Variants in BST1 observed in about 807,000 individuals in gnomAD.
BST1 encodes bone marrow stromal cell antigen 1, also known as ADP-ribosyl cyclase/cyclic ADP-ribose hydrolase 2.
In BST1, 49 loss-of-function variants were observed where a neutral mutation model predicts 40.6. The observed-to-expected ratio is 1.21, with a 90% confidence interval of 0.96 to 1.53. The LOEUF (loss-of-function observed/expected upper bound fraction) is 1.53. BST1 is among the 40% of genes most tolerant of loss of function. BST1 has a pLI of 0.00. For missense variants in BST1, 423 were observed against 395.9 expected (o/e 1.07, Z -0.58); for synonymous variants, 157 against 159.3 (o/e 0.99, Z 0.11).
At chr4:15,758,375 T>C in the BST1 span, among the ~76,000 whole-genome samples, 2 of 152,300 alleles carry the variant, frequency 1.3e-5, no homozygotes, top group East Asian at 3.9e-4. Context: ...TAGCTTTCAC[T>C]TAAACGTGAG....
At chr4:15,739,799 A>T (rs931987281), downstream of BST1, among the ~76,000 whole-genome samples, 1 of 152,174 alleles carries the variant, frequency 6.6e-6, no homozygotes, top group South Asian at 2.1e-4. Flanking sequence ...GTACAGAAAT[A>T]TAATCAGAGT....
downstream of BST1, among the ~76,000 whole-genome samples, chr4:15,734,663 G>A (rs1721495111): frequency 6.6e-6 from 1 of 151,124 alleles, no homozygotes; most frequent in Admixed American, 6.6e-5. Flanking sequence ...GTGTGGATGT[G>A]GTGGTCTGGT....
chr4:15,743,267 A>G (rs200798077), downstream of BST1: 5 of 243,306 alleles, frequency 2.1e-5, no homozygotes, highest in East Asian at 7.0e-4. Context: ...TTGACACTCA[A>G]CAGAAGGTGA....
intron 3 of BST1, among the ~76,000 whole-genome samples, chr4:15,710,826 G>A (rs1228641763): frequency 6.6e-6 from 1 of 151,502 alleles, no homozygotes; most frequent in Non-Finnish European, 1.5e-5. Flanking sequence ...GTCTCTGTGT[G>A]TCACCCAGGC....
intron 7 of BST1, among the ~76,000 whole-genome samples, chr4:15,721,150 A>G (rs1441370595): frequency 6.6e-6 from 1 of 152,172 alleles, no homozygotes; most frequent in Non-Finnish European, 1.5e-5. Context: ...GAGAGGATAT[A>G]ATGAAAGGTA....
chr4:15,715,302 TG>T lies in BST1; in HGVS notation c.556del (p.Val186Ter). On this transcript the variant is annotated frameshift_variant, in exon 5 of 9. Coordinates refer to ENST00000265016, the MANE Select transcript of BST1 (RefSeq NM_004334.3). LOFTEE classifies it high-confidence loss of function. ...TCTCGTAGTATTCCAAGGATAGTTC[TG>T]GGGTGATCCACGTCATGCTGAATGG... The part of the protein sequence containing the change: ...ASIQYSKDSS[G>X]VIHVMLNGSE... The T allele has an allele frequency of 6.2e-7, 1 of 1,614,166 alleles. No individual in the cohort carries two copies. The highest frequency in any genetic ancestry group is 8.5e-7 in the Non-Finnish European group (1 of 1,179,994).
In BST1 at chr4:15,705,607, T is replaced by C. The variant is rs1719839728; in HGVS notation, c.281T>C (p.Ile94Thr). 2 of 1,613,986 alleles carry C rather than the reference T, an allele frequency of 1.2e-6. No homozygotes were observed. The highest frequency in any genetic ancestry group is 1.7e-6 in the Non-Finnish European group (2 of 1,179,980). Residue 94 changes from isoleucine (I) to threonine (T), a missense_variant, in exon 2 of 9, where the codon ATT (isoleucine) becomes ACT (threonine). Coordinates refer to ENST00000265016, the MANE Select transcript of BST1 (RefSeq NM_004334.3). Reference protein sequence around the residue: ...SVLPSDYDLFINLSRHSIPRD... With the variant: ...SVLPSDYDLFTNLSRHSIPRD... Reference sequence around the variant, plus strand: ...CTGCCCTCAGACTATGACCTTTTTATTAACTTGTCCAGGCACTCTATTCCC... The same window carrying C: ...CTGCCCTCAGACTATGACCTTTTTACTAACTTGTCCAGGCACTCTATTCCC...
the BST1 span, among the ~76,000 whole-genome samples, chr4:15,749,881 T>C: frequency 1.6e-4 from 25 of 152,210 alleles, no homozygotes; most frequent in East Asian, 2.5e-3. Context: ...ATTGTTATTA[T>C]TGACTATAGT....
At chr4:15,716,705 A>T (rs1018149884) in intron 6 of BST1, among the ~76,000 whole-genome samples, 1 of 152,192 alleles carries the variant, frequency 6.6e-6, no homozygotes, top group African/African-American at 2.4e-5. Flanking sequence ...AAGACAAATT[A>T]TACTTATTTT....
At chr4:15,768,518 A>G in the BST1 span, among the ~76,000 whole-genome samples, 1 of 120,300 alleles carries the variant, frequency 8.3e-6, no homozygotes, top group African/African-American at 3.3e-5. Context: ...ACGGAGTCTC[A>G]CTCTGTCACC....
At chr4:15,707,369 A>G in intron 2 of BST1, 142 bp from the exon 3 acceptor site, 1 of 906,516 alleles carries the variant, frequency 1.1e-6, no homozygotes, top group Non-Finnish European at 1.8e-6. Context: ...AATAAAGACA[A>G]CGAAAAAGAA....
chr4:15,721,147 T>C (rs1265938465), intron 7 of BST1, among the ~76,000 whole-genome samples: 2 of 152,184 alleles, frequency 1.3e-5, no homozygotes, highest in African/African-American at 4.8e-5. Flanking sequence ...GCAGAGAGGA[T>C]ATAATGAAAG....
intron 3 of BST1, among the ~76,000 whole-genome samples, chr4:15,710,549 G>A (rs1264271695): frequency 2.6e-5 from 4 of 152,174 alleles, no homozygotes; most frequent in African/African-American, 9.6e-5. Context: ...CTATGTAACT[G>A]TAATATTGTT....
chr4:15,713,391 G>T (rs1391225785), intron 4 of BST1, among the ~76,000 whole-genome samples: 1 of 151,318 alleles, frequency 6.6e-6, no homozygotes, highest in East Asian at 2.0e-4. Flanking sequence ...TCACCATATT[G>T]GCCAGGATGG....
the BST1 span, among the ~76,000 whole-genome samples, chr4:15,771,506 T>A: frequency 1.3e-5 from 2 of 152,216 alleles, no homozygotes; most frequent in Non-Finnish European, 2.9e-5. Context: ...TTCCTTTAGG[T>A]TTTATTTTCT....
chr4:15,743,092 A>T (rs942414978), downstream of BST1: 1 of 156,110 alleles, frequency 6.4e-6, no homozygotes, highest in Non-Finnish European at 1.4e-5. Flanking sequence ...TTTTTGAAGT[A>T]TGTGAAAATC....
At chr4:15,734,792 C>CA (rs1197888682), downstream of BST1, among the ~76,000 whole-genome samples, 2 of 152,002 alleles carry the variant, frequency 1.3e-5, no homozygotes, top group African/African-American at 4.8e-5. Context: ...CATGTTTATC[C>CA]AAAAAACAGT....
At chr4:15,705,893 A>C (rs1376677237) in intron 2 of BST1, among the ~76,000 whole-genome samples, 1 of 152,236 alleles carries the variant, frequency 6.6e-6, no homozygotes, top group Admixed American at 6.5e-5. Flanking sequence ...TAACTGGTTC[A>C]CAGTTCCACA....
intron 3 of BST1, 50 bp downstream of exon 3, chr4:15,707,696 T>C: frequency 6.3e-7 from 1 of 1,597,118 alleles, no homozygotes; most frequent in Non-Finnish European, 8.5e-7. Context: ...CTATTTACTA[T>C]GCATTACCAT....
Sources: allele counts gnomAD v4.1 joint callset (sites outside exome capture counted in the v4.1 genomes callset), GRCh38; gene constraint gnomAD v4.1.1; transcripts MANE v1.5; gene names NCBI Gene and HGNC (gene_info 2026-07-23, HGNC 2026-07-21).